GALNT7: variants seen among roughly 807,000 people sequenced by gnomAD.
GALNT7 encodes N-acetylgalactosaminyltransferase 7.
A neutral mutation model predicts 82.1 loss-of-function variants in GALNT7; 60 were observed. That is an observed-to-expected ratio of 0.73 (90% CI 0.59 to 0.91). The LOEUF (loss-of-function observed/expected upper bound fraction) is 0.91. Ranked by LOEUF, GALNT7 falls within the 40% of genes least tolerant of loss-of-function variation. The pLI, the probability that GALNT7 is intolerant of heterozygous loss-of-function variation, is 0.00. For missense variants in GALNT7, 660 were observed against 804.2 expected, an observed-to-expected ratio of 0.82 and a Z score of 2.17; for synonymous variants, 243 against 275.1, an observed-to-expected ratio of 0.88 and a Z score of 1.15.
intron 1 of GALNT7, among the ~76,000 whole-genome samples, chr4:173,193,739 C>T (rs1732693372): frequency 6.6e-6 from 1 of 152,044 alleles, no homozygotes; most frequent in Non-Finnish European, 1.5e-5. Flanking sequence ...AGTGTGTTAG[C>T]TTTGATTACA....
intron 8 of GALNT7, among the ~76,000 whole-genome samples, chr4:173,311,446 C>T (rs1285407482): frequency 6.6e-6 from 1 of 152,184 alleles, no homozygotes; most frequent in African/African-American, 2.4e-5. Flanking sequence ...CACAGTTCTG[C>T]AGGCTGTACA....
At chr4:173,282,727 C>A (rs1727115691) in intron 2 of GALNT7, among the ~76,000 whole-genome samples, 1 of 152,050 alleles carries the variant, frequency 6.6e-6, no homozygotes, top group Admixed American at 6.6e-5. Context: ...ATGAAAAAAA[C>A]AATTTGGGTT....
At chr4:173,301,971 C>T (rs1031008874) in intron 6 of GALNT7, 76 bp from the exon 7 acceptor site, 3 of 734,034 alleles carry the variant, frequency 4.1e-6, no homozygotes, top group South Asian at 1.6e-5. Context: ...CTGTATTCTA[C>T]AAGGCTTCTT....
At chr4:173,225,036 T>C (rs1579928781) in intron 1 of GALNT7, among the ~76,000 whole-genome samples, 1 of 148,268 alleles carries the variant, frequency 6.7e-6, no homozygotes, top group Non-Finnish European at 1.5e-5. Context: ...ATAATAATAA[T>C]AATAATAATA....
chr4:173,200,771 A>G (rs1579905318), intron 1 of GALNT7, among the ~76,000 whole-genome samples: 1 of 152,214 alleles, frequency 6.6e-6, no homozygotes, highest in African/African-American at 2.4e-5. Flanking sequence ...AGATCCTATC[A>G]TCCTGAAATC....
chr4:173,249,168 C>T (rs1057007705), intron 2 of GALNT7, among the ~76,000 whole-genome samples: 2 of 152,164 alleles, frequency 1.3e-5, no homozygotes, highest in African/African-American at 4.8e-5. Context: ...ATCTACATAG[C>T]TTTCATTAAT....
intron 2 of GALNT7, among the ~76,000 whole-genome samples, chr4:173,289,244 TACTC>T (rs1252798713): frequency 3.9e-5 from 6 of 152,306 alleles, no homozygotes; most frequent in South Asian, 2.1e-4. Context: ...GGTCCGCTCT[TACTC>T]ACCCTTCTGA....
intron 1 of GALNT7, among the ~76,000 whole-genome samples, chr4:173,213,728 T>G (rs528629800): frequency 6.6e-6 from 1 of 152,282 alleles, no homozygotes; most frequent in Admixed American, 6.5e-5. Context: ...CTTATGAAAT[T>G]AAAGATTAAG....
chr4:173,262,802 C>G (rs1735328660), intron 2 of GALNT7, among the ~76,000 whole-genome samples: 1 of 152,198 alleles, frequency 6.6e-6, no homozygotes, highest in African/African-American at 2.4e-5. Flanking sequence ...TTCATGCATA[C>G]TTCCCATTTC....
intron 1 of GALNT7, among the ~76,000 whole-genome samples, chr4:173,235,715 C>G (rs1245969825): frequency 6.6e-6 from 1 of 152,098 alleles, no homozygotes. Flanking sequence ...ACCACCACGC[C>G]CAGCTAATTT....
At chr4:173,186,236 A>T (rs1019626695) in intron 1 of GALNT7, among the ~76,000 whole-genome samples, 3 of 152,234 alleles carry the variant, frequency 2.0e-5, no homozygotes, top group Non-Finnish European at 4.4e-5. Context: ...AATTTTCCTT[A>T]TTGTGAAACA....
chr4:173,210,697 A>T (rs529804210), intron 1 of GALNT7, among the ~76,000 whole-genome samples: 1 of 152,218 alleles, frequency 6.6e-6, no homozygotes, highest in African/African-American at 2.4e-5. Context: ...CTCGCAGCGT[A>T]CTAGGATTGC....
At chr4:173,256,409 T>C (rs1351039949) in intron 2 of GALNT7, among the ~76,000 whole-genome samples, 1 of 152,174 alleles carries the variant, frequency 6.6e-6, no homozygotes, top group Admixed American at 6.5e-5. Flanking sequence ...TCATACGAAA[T>C]GCAAAAATTA....
At chr4:173,217,129 A>G (rs1480890011) in intron 1 of GALNT7, among the ~76,000 whole-genome samples, 2 of 152,074 alleles carry the variant, frequency 1.3e-5, no homozygotes, top group Admixed American at 6.6e-5. Context: ...CATCTACTGT[A>G]AGTACATTAA....
chr4:173,272,585 A>G (rs1348740696), intron 2 of GALNT7, among the ~76,000 whole-genome samples: 1 of 152,216 alleles, frequency 6.6e-6, no homozygotes, highest in Non-Finnish European at 1.5e-5. Context: ...GATTTTCTGG[A>G]AAATTACAAT....
At chr4:173,258,068 A>G (rs1225745928) in intron 2 of GALNT7, among the ~76,000 whole-genome samples, 2 of 152,162 alleles carry the variant, frequency 1.3e-5, no homozygotes, top group African/African-American at 4.8e-5. Flanking sequence ...GGACAGAGAA[A>G]CTCTCTTGAA....
chr4:173,242,333 T>C (rs1734464965), intron 1 of GALNT7, among the ~76,000 whole-genome samples: 1 of 152,210 alleles, frequency 6.6e-6, no homozygotes, highest in South Asian at 2.1e-4. Context: ...TATATTTCCA[T>C]AGTTACCTGA....
intron 2 of GALNT7, among the ~76,000 whole-genome samples, chr4:173,278,144 A>G (rs1735982971): frequency 6.6e-6 from 1 of 152,220 alleles, no homozygotes; most frequent in South Asian, 2.1e-4. Context: ...AGCCATCACT[A>G]GGTACCAGCA....
intron 6 of GALNT7, among the ~76,000 whole-genome samples, chr4:173,300,757 C>CG (rs957087133): frequency 1.3e-5 from 2 of 151,646 alleles, no homozygotes; most frequent in Admixed American, 6.6e-5. Flanking sequence ...GACACAAGCT[C>CG]GGGAGATATT....
Sources: allele counts gnomAD v4.1 joint callset (sites outside exome capture counted in the v4.1 genomes callset), GRCh38; gene constraint gnomAD v4.1.1; transcripts MANE v1.5; gene names NCBI Gene and HGNC (gene_info 2026-07-23, HGNC 2026-07-21).